Variants in ACSL4 observed in about 807,000 individuals in gnomAD.
The protein encoded by ACSL4 is long-chain-fatty-acid--CoA ligase 4.
Under a neutral mutation model 49.1 loss-of-function variants are expected in ACSL4, and 9 were observed. That is an observed-to-expected ratio of 0.18 (90% CI 0.11 to 0.32). ACSL4 has a LOEUF of 0.32. Ranked by LOEUF, ACSL4 falls within the 10% of genes least tolerant of loss-of-function variation. The probability of loss-of-function intolerance (pLI) is 1.00; values close to 1 mark genes in which losing one functional copy is unlikely to be tolerated. For synonymous variants in ACSL4, 191 were observed against 170.3 expected, an observed-to-expected ratio of 1.12 and a Z score of -0.95; for missense variants, 333 against 493.7, an observed-to-expected ratio of 0.67 and a Z score of 3.08.
intron 10 of ACSL4, among the ~76,000 whole-genome samples, 198 bp from the exon 11 acceptor site, chrX:109,668,471 A>G (rs1003472021): frequency 8.9e-6 from 1 of 111,800 alleles, no homozygotes; most frequent in Admixed American, 9.5e-5. Context: ...AAAAATGAAG[A>G]AAGATAATGT....
At chrX:109,702,701 A>C (rs1159882938) in intron 1 of ACSL4, among the ~76,000 whole-genome samples, 1 of 112,006 alleles carries the variant, frequency 8.9e-6, no homozygotes, top group Non-Finnish European at 1.9e-5. Flanking sequence ...AAGGAATAAA[A>C]AAGTGCTGAA....
At chrX:109,655,783 T>A (rs1246635245) in intron 15 of ACSL4, among the ~76,000 whole-genome samples, 2 of 110,776 alleles carry the variant, frequency 1.8e-5, no homozygotes, top group African/African-American at 6.6e-5. Context: ...AGAGATAAAA[T>A]AGATCATACA....
At chrX:109,648,523 T>C (rs1404297761) in intron 15 of ACSL4, among the ~76,000 whole-genome samples, 4 of 110,946 alleles carry the variant, frequency 3.6e-5, no homozygotes, top group East Asian at 2.8e-4. Flanking sequence ...TGGGACGTAT[T>C]TCAAAATAAT....
intron 1 of ACSL4, among the ~76,000 whole-genome samples, chrX:109,725,061 G>T (rs1350113708): frequency 1.9e-5 from 2 of 107,853 alleles, no homozygotes; most frequent in African/African-American, 6.7e-5. Context: ...CTGACCTGGG[G>T]TTTTTTTTGT....
intron 1 of ACSL4, among the ~76,000 whole-genome samples, chrX:109,727,014 G>T (rs1381551961): frequency 9.0e-6 from 1 of 110,925 alleles, no homozygotes; most frequent in Non-Finnish European, 1.9e-5. Flanking sequence ...GCAGTGCCCG[G>T]CCATCACTTG....
chrX:109,696,457 C>A (rs767991662), intron 1 of ACSL4, among the ~76,000 whole-genome samples: 1 of 112,058 alleles, frequency 8.9e-6, no homozygotes, highest in East Asian at 2.8e-4. Flanking sequence ...ATGTTCTTAA[C>A]TGTTTTATTT....
At chrX:109,660,457 C>T (rs1354979430) in intron 14 of ACSL4, among the ~76,000 whole-genome samples, 1 of 111,876 alleles carries the variant, frequency 8.9e-6, no homozygotes, top group African/African-American at 3.2e-5. Flanking sequence ...AGTGGAGGAA[C>T]TAGAATGTTT....
intron 15 of ACSL4, among the ~76,000 whole-genome samples, chrX:109,658,470 T>C (rs182113667): frequency 8.1e-5 from 9 of 111,423 alleles, no homozygotes; most frequent in African/African-American, 2.9e-4. Flanking sequence ...AACCTGCCAA[T>C]GGCTCCTCAC....
chrX:109,690,063 C>G (rs1398085527), intron 2 of ACSL4, among the ~76,000 whole-genome samples: 1 of 112,452 alleles, frequency 8.9e-6, no homozygotes, highest in Non-Finnish European at 1.9e-5. Flanking sequence ...ATACTATACT[C>G]TTAAAATCCC....
chrX:109,695,649 G>A (rs1569434041), intron 2 of ACSL4: 1 of 110,889 alleles, frequency 9.0e-6, no homozygotes, highest in Non-Finnish European at 1.9e-5. Flanking sequence ...AGTGAGCTGA[G>A]ATGGCGCCAC....
intron 2 of ACSL4, among the ~76,000 whole-genome samples, chrX:109,687,752 G>A (rs1412452318): frequency 8.9e-6 from 1 of 111,918 alleles, no homozygotes; most frequent in Non-Finnish European, 1.9e-5. Flanking sequence ...TATATTAGTG[G>A]CTTCATCTGT....
chrX:109,681,273 T>C lies in ACSL4; in HGVS notation c.509A>G (p.Lys170Arg). The C allele has an allele frequency of 8.3e-7, 1 of 1,208,249 alleles. No homozygotes were observed. Residue 170 changes from lysine to arginine, a missense_variant, in exon 5 of 16, where the codon AAA (lysine) becomes AGA (arginine). Lys to Arg is a conservative substitution (Grantham distance 26). Around this residue, in one of 3 missense-constraint regions of ACSL4, gnomAD observed 157 missense variants for 201.1 expected, o/e 0.78. Coordinates refer to ENST00000672401, the MANE Select transcript of ACSL4 (RefSeq NM_001318510.2). ...AGAAAATTTCATATTTACCTTAAGT[T>C]TACTTTCCAGAAGTTCAACACTGGT... ...LITSVELLESKLKTALLDISC... is the reference protein window; with the variant it reads ...LITSVELLESRLKTALLDISC...
chrX:109,665,622 T>C, intron 11 of ACSL4, 128 bp from the exon 12 acceptor site: 1 of 566,657 alleles, frequency 1.8e-6, no homozygotes, highest in Non-Finnish European at 3.1e-6. Flanking sequence ...GTGTGATCAT[T>C]TTTCAGTATT....
chrX:109,669,209 G>C, intron 9 of ACSL4, 36 bp from the exon 10 acceptor site: 1 of 1,080,471 alleles, frequency 9.3e-7, no homozygotes, highest in African/African-American at 1.8e-5. Flanking sequence ...AATCTGAAAG[G>C]AATGGAGACA....
chrX:109,731,839 G>A (rs992786802), intron 1 of ACSL4, among the ~76,000 whole-genome samples: 2 of 112,239 alleles, frequency 1.8e-5, no homozygotes, highest in Non-Finnish European at 3.8e-5. Context: ...TTAAGGAAGA[G>A]GCCTTACACT....
intron 14 of ACSL4, among the ~76,000 whole-genome samples, chrX:109,660,848 A>G (rs1182919183): frequency 2.7e-5 from 3 of 111,902 alleles, no homozygotes; most frequent in East Asian, 2.8e-4. Flanking sequence ...CAAAAACTGT[A>G]TAATTCTACT....
chrX:109,721,924 A>G (rs1167519005), intron 1 of ACSL4, among the ~76,000 whole-genome samples: 2 of 111,106 alleles, frequency 1.8e-5, no homozygotes, highest in African/African-American at 6.6e-5. Flanking sequence ...GATTCCCTTT[A>G]AAATCTGCTA....
chrX:109,689,355 C>T (rs1438979227), intron 2 of ACSL4, among the ~76,000 whole-genome samples: 1 of 112,081 alleles, frequency 8.9e-6, no homozygotes, highest in African/African-American at 3.2e-5. Context: ...AAATTCTAAA[C>T]TCAGAAGCCA....
intron 15 of ACSL4, among the ~76,000 whole-genome samples, chrX:109,645,091 G>A (rs1178795592): frequency 1.8e-5 from 2 of 112,354 alleles, no homozygotes; most frequent in Admixed American, 9.3e-5. Context: ...AGGGAGGCTG[G>A]GGGAGGGGCG....
Sources: allele counts gnomAD v4.1 joint callset (sites outside exome capture counted in the v4.1 genomes callset), GRCh38; gene constraint gnomAD v4.1.1; regional missense constraint gnomAD v4.1.1; transcripts MANE v1.5; gene names NCBI Gene and HGNC (gene_info 2026-07-23, HGNC 2026-07-21).